The following IGF2BP1 variants were observed in gnomAD, a reference collection of about 807,000 sequenced individuals.
IGF2BP1 encodes insulin like growth factor 2 mRNA binding protein 1.
In IGF2BP1, 11 loss-of-function variants were observed where a neutral mutation model predicts 74.9. That is an observed-to-expected ratio of 0.15 (90% CI 0.09 to 0.24). The LOEUF is 0.24. IGF2BP1 is among the 10% of genes least tolerant of loss of function. IGF2BP1 has a pLI of 1.00. For synonymous variants in IGF2BP1, 287 were observed against 281.8 expected (o/e 1.02, Z -0.18); for missense variants, 440 against 757.4 (o/e 0.58, Z 4.92).
intron 2 of IGF2BP1, among the ~76,000 whole-genome samples, chr17:49,019,917 TATATATATATATATATATATA>T (rs2041758888): frequency 2.0e-5 from 1 of 49,712 alleles, no homozygotes; most frequent in Non-Finnish European, 3.5e-5. Flanking sequence ...TATATATATA[TATATATATATATATATATATA>T]TATATATATA....
intron 4 of IGF2BP1, among the ~76,000 whole-genome samples, chr17:49,027,540 A>G (rs1350679307): frequency 6.6e-6 from 1 of 152,148 alleles, no homozygotes; most frequent in Non-Finnish European, 1.5e-5. Context: ...AGGAAAAATG[A>G]TAAAGAATTC....
chr17:49,042,137 G>A, intron 8 of IGF2BP1, 105 bp from the exon 9 acceptor site: 1 of 1,441,448 alleles, frequency 6.9e-7, no homozygotes, highest in South Asian at 1.2e-5. Flanking sequence ...TGAATAGGCT[G>A]CAGAAATGGT....
Position 49,051,373 on chromosome 17 carries a change from G to T in IGF2BP1, c.*1929G>T, listed in dbSNP as rs1308090294. On this transcript the variant is annotated 3_prime_UTR_variant, in exon 15 of 15. Coordinates refer to ENST00000290341, the MANE Select transcript of IGF2BP1 (RefSeq NM_006546.4). ...GCTTTGGGGGCTGCCCCCTTAGGAG[G>T]AGGCTAGTGCTAAGAGGGAAGGCCC... The T allele has an allele frequency of 6.5e-6, 1 of 152,726 alleles. No individual in the cohort carries two copies. The highest frequency in any genetic ancestry group is 1.5e-5 in the Non-Finnish European group (1 of 68,110). The allele number at this position is 152,726 out of a possible 1,614,324, so 9.5% of individuals were successfully genotyped here. A position where few individuals can be genotyped will look rare whatever the true frequency, so the allele number is the denominator to read the frequency against.
intron 2 of IGF2BP1, among the ~76,000 whole-genome samples, chr17:49,020,765 G>A (rs1330881097): frequency 6.6e-6 from 1 of 152,056 alleles, no homozygotes; most frequent in Non-Finnish European, 1.5e-5. Flanking sequence ...TTCCAGCAGC[G>A]TATTTCCATA....
rs368120375 is a variant in IGF2BP1 at position 49,041,500 on chromosome 17, C to T, written c.941C>T (p.Ser314Leu). The T allele has an allele frequency of 2.9e-5, 47 of 1,613,972 alleles. No individual in the cohort carries two copies. Among genetic ancestry groups the T allele is most frequent in the Admixed American group, 5.0e-5 (3 of 59,978 alleles). The change falls in exon 8 of 15, where the codon TCG becomes TTG. Residue 314 changes from serine to leucine, a missense_variant and splice_region_variant. By Grantham distance (145) the Ser-to-Leu change is moderately radical. Around this residue, in one of 5 missense-constraint regions of IGF2BP1, gnomAD observed 184 missense variants for 273.4 expected, o/e 0.67. Transcript: ENST00000290341. Reference protein sequence around the residue: ...QDTETKITISSLQDLTLYNPE... With the variant: ...QDTETKITISLLQDLTLYNPE... Reference sequence around the variant, plus strand: ...ACCGAGACAAAAATCACCATCTCCTCGTAAGGCTCTCTTCTATTTCCCTGT... The same window carrying T: ...ACCGAGACAAAAATCACCATCTCCTTGTAAGGCTCTCTTCTATTTCCCTGT...
At chr17:49,016,468 C>T (rs1046431597) in intron 2 of IGF2BP1, among the ~76,000 whole-genome samples, 1 of 152,076 alleles carries the variant, frequency 6.6e-6, no homozygotes, top group African/African-American at 2.4e-5. Flanking sequence ...CCCTTCTCTC[C>T]CCTAAATATG....
intron 5 of IGF2BP1, among the ~76,000 whole-genome samples, chr17:49,034,742 AAACAC>A (rs137858293): frequency 0.032 from 4,431 of 138,044 alleles, 117 homozygotes; most frequent in South Asian, 0.08. Context: ...GTCTCAAAAA[AAACAC>A]AAAAAAAACA....
intron 2 of IGF2BP1, among the ~76,000 whole-genome samples, chr17:48,999,955 T>TGTGTGTTC (rs757469721): frequency 1.3e-4 from 20 of 151,390 alleles, no homozygotes; most frequent in Non-Finnish European, 2.2e-4. Context: ...TGTGTGTGTG[T>TGTGTGTTC]GTGTGTGTTC....
At chr17:49,034,336 C>T (rs566143088) in intron 5 of IGF2BP1, among the ~76,000 whole-genome samples, 1 of 151,352 alleles carries the variant, frequency 6.6e-6, no homozygotes, top group African/African-American at 2.4e-5. Context: ...CCAGGCTGGT[C>T]TTGAACTCCT....
At chr17:48,997,274 T>C (rs1473330491), upstream of IGF2BP1, 2 of 151,996 alleles carry the variant, frequency 1.3e-5, no homozygotes, top group Non-Finnish European at 1.5e-5. The surrounding 1 kb of genome is among the most constrained non-coding windows in gnomAD (Gnocchi z 4.8). Context: ...CGGGAGATTA[T>C]CGGGTTTGGC....
In IGF2BP1 at chr17:49,051,016, G is replaced by A. The variant is rs1472272049; in HGVS notation, c.*1572G>A. On this transcript the variant is annotated 3_prime_UTR_variant, in exon 15 of 15. Coordinates refer to ENST00000290341, the MANE Select transcript of IGF2BP1 (RefSeq NM_006546.4). Reference sequence around the variant, plus strand: ...CCCTCCTTTCAACATTGCAACAACAGTAACAACAAGACAACCGCAACATGT... The same window carrying A: ...CCCTCCTTTCAACATTGCAACAACAATAACAACAAGACAACCGCAACATGT... The A allele has an allele frequency of 6.6e-6, 1 of 152,620 alleles. No homozygotes were observed. The highest frequency in any genetic ancestry group is 1.9e-4 in the East Asian group (1 of 5,200). 9.5% of individuals were successfully genotyped at this position (152,620 alleles called of 1,614,324 possible).
rs2042074460 is a variant in IGF2BP1 at position 49,043,413 on chromosome 17, A to G, written c.1078-15A>G. The G allele has an allele frequency of 1.2e-6, 2 of 1,613,292 alleles. No homozygotes were observed. Among genetic ancestry groups the G allele is most frequent in the East Asian group, 4.5e-5 (2 of 44,870 alleles). ...CAGGGTGTGCTGACTCTTCCTCCTC[A>G]TCTTTCTTCCCCAGCTGCAGTCTCA... On this transcript the variant is annotated splice_polypyrimidine_tract_variant and intron_variant, in intron 9 of 14. Coordinates refer to ENST00000290341, the MANE Select transcript of IGF2BP1 (RefSeq NM_006546.4).
At chr17:49,023,835 C>T (rs929704045) in intron 2 of IGF2BP1, among the ~76,000 whole-genome samples, 2 of 151,760 alleles carry the variant, frequency 1.3e-5, no homozygotes, top group African/African-American at 4.8e-5. Context: ...ATCTTAAACC[C>T]AGGGATTAGC....
At position 49,038,287 on chromosome 17, in the gene IGF2BP1, G is replaced by A. The variant is rs746549698; in HGVS notation, c.521G>A (p.Arg174Gln). The A allele has an allele frequency of 3.7e-6, 6 of 1,603,142 alleles. No individual in the cohort carries two copies. Among genetic ancestry groups the A allele is most frequent in the East Asian group, 4.5e-5 (2 of 44,314 alleles). Residue 174 changes from arginine to glutamine, a missense_variant, in exon 6 of 15, where the codon CGG becomes CAG. Coordinates refer to ENST00000290341, the MANE Select transcript of IGF2BP1 (RefSeq NM_006546.4). ...GGGCGCCGAGGGGGCTTTGGCTCTC[G>A]GGGTCAGCCCCGCCAGGGCTCACCT... Reference protein sequence around the residue: ...ENGRRGGFGSRGQPRQGSPVA... With the variant: ...ENGRRGGFGSQGQPRQGSPVA...
chr17:49,025,840 CTTTCTTTCT>C (rs1221673460), intron 3 of IGF2BP1, among the ~76,000 whole-genome samples, 174 bp downstream of exon 3: 1 of 136,110 alleles, frequency 7.3e-6, no homozygotes, highest in Non-Finnish European at 1.6e-5. Context: ...TCTTCTTTTT[CTTTCTTTCT>C]TTTCTTTCTT....
In IGF2BP1 at chr17:48,997,651, C is replaced by T. The variant is rs2041423280; in HGVS notation, c.-95C>T. On this transcript the variant is annotated 5_prime_UTR_variant, in exon 1 of 15. Transcript: ENST00000290341. This position sits in a 1 kb window ranked among gnomAD's most constrained non-coding sequence, Gnocchi z 4.8. The stretch of plus-strand genomic sequence containing the variant: ...TGCAAAGAAAGTTTGCGGCTCCTGC[C>T]GCCGGCCTCTCCGCCTCTTGGCCTA... 5 of 1,359,544 alleles carry T rather than the reference C, an allele frequency of 3.7e-6. No individual in the cohort carries two copies. Among genetic ancestry groups the T allele is most frequent in the Admixed American group, 2.1e-5 (1 of 46,930 alleles). 84.2% of individuals were successfully genotyped at this position (1,359,544 alleles called of 1,614,324 possible).
rs1285908780 is a variant in IGF2BP1, at chr17:49,054,614, T to A, written c.*5170T>A. 6.6e-6 allele frequency: 1 copy of A among 152,378 alleles called. No homozygotes were observed. Among genetic ancestry groups the A allele is most frequent in the African/African-American group, 2.4e-5 (1 of 41,458 alleles). The allele number at this position is 152,378 out of a possible 1,614,324, so 9.4% of individuals were successfully genotyped here. ...TCCAGCTTGTCCCTCTCTCACTTTC[T>A]ATAGCTTTGTTGGACCAGATGGTGA... On this transcript the variant is annotated 3_prime_UTR_variant, in exon 15 of 15. Transcript: ENST00000290341.
chr17:48,997,548 C>T lies in IGF2BP1; in HGVS notation c.-198C>T, dbSNP rs921314312. The T allele has an allele frequency of 1.0e-5, 6 of 593,548 alleles. No homozygotes were observed. The highest frequency in any genetic ancestry group is 9.5e-5 in the African/African-American group (5 of 52,844). The allele number at this position is 593,548 out of a possible 1,614,324, so 36.8% of individuals were successfully genotyped here. ...CCGCGGGCACTTCTCCTGGGCTCTC[C>T]CCGAACTCTCCCGCGACCTCTGCGC... On this transcript the variant is annotated 5_prime_UTR_variant, in exon 1 of 15. Transcript: ENST00000290341. The surrounding 1 kb of genome is among the most constrained non-coding windows in gnomAD (Gnocchi z 4.8).
chr17:49,041,251 CAG>C, intron 7 of IGF2BP1, 125 bp from the exon 8 acceptor site: 1 of 924,020 alleles, frequency 1.1e-6, no homozygotes. Flanking sequence ...TTAAAGTATG[CAG>C]TTTGATAAGT....
Sources: gnomAD v4.1 joint callset for allele counts (sites outside exome capture counted in the v4.1 genomes callset) on GRCh38, gnomAD v4.1.1 for gene constraint, gnomAD v4.1.1 regional missense constraint, Gnocchi (gnomAD v3.1) non-coding constraint, MANE v1.5 for transcripts, NCBI Gene and HGNC (gene_info 2026-07-23, HGNC 2026-07-21) for gene names.